Variants in PCDHGA5 observed in about 807,000 individuals in gnomAD.
PCDHGA5 encodes the protein protocadherin gamma subfamily A, 5, also known as protocadherin gamma-A5.
In PCDHGA5, 36 loss-of-function variants were observed where a neutral mutation model predicts 56.7. The observed-to-expected ratio is 0.64, with a 90% CI of 0.49 to 0.84. PCDHGA5 has a LOEUF of 0.84. PCDHGA5 is among the 40% of genes least tolerant of loss of function. The pLI, the probability that PCDHGA5 is intolerant of heterozygous loss-of-function variation, is 0.00. For missense variants in PCDHGA5, 1,305 were observed against 1,201.5 expected, an observed-to-expected ratio of 1.09 and a Z score of -1.27; for synonymous variants, 563 against 520.2, an observed-to-expected ratio of 1.08 and a Z score of -1.12.
intron 1 of PCDHGA5, chr5:141,402,915 CAG>C: frequency 6.4e-7 from 1 of 1,564,688 alleles, no homozygotes; most frequent in Non-Finnish European, 8.7e-7. Flanking sequence ...GCAGCGCGCA[CAG>C]AGATCCTTTT....
Position 141,431,451 on chromosome 5 carries a change from T to C in PCDHGA5, c.2422-63356T>C. On this transcript the variant is annotated intron_variant, in intron 1 of 3. Transcript: ENST00000518069. The surrounding 1 kb of genome is among the most constrained non-coding windows in gnomAD (Gnocchi z 4.8). ...ACAGGCACCGCGCGCATCCGCGTGA[T>C]GGTTCTGGATGCGAACGACAACGCA... The C allele has an allele frequency of 6.2e-7, 1 of 1,613,762 alleles. No individual in the cohort carries two copies. Among genetic ancestry groups the C allele is most frequent in the African/African-American group, 1.3e-5 (1 of 75,072 alleles).
chr5:141,374,735 G>A (rs760557076), intron 1 of PCDHGA5: 1 of 1,610,874 alleles, frequency 6.2e-7, no homozygotes. Flanking sequence ...CATGGATGGC[G>A]GCGACCCTGT....
chr5:141,393,642 G>C, intron 1 of PCDHGA5: 1 of 1,613,940 alleles, frequency 6.2e-7, no homozygotes, highest in Non-Finnish European at 8.5e-7. Context: ...CAACGGAAAA[G>C]TGGCATACAA....
intron 1 of PCDHGA5, chr5:141,419,739 G>T: frequency 6.2e-7 from 1 of 1,613,770 alleles, no homozygotes; most frequent in South Asian, 1.1e-5. Context: ...GGCGAGGTGC[G>T]CATGGTGCGT....
At position 141,394,267 on chromosome 5, in the gene PCDHGA5, C is replaced by T. The variant is rs563732311; in HGVS notation, c.2421+27516C>T. 1.2e-5 allele frequency: 19 copies of T among 1,613,926 alleles called. No individual in the cohort carries two copies. In the South Asian group the frequency reaches 2.0e-4, roughly 17 times the overall value. On this transcript the variant is annotated intron_variant, in intron 1 of 3. Transcript: ENST00000518069. The stretch of plus-strand genomic sequence containing the variant: ...CACGACCCCGACAGCCAGGAGAATG[C>T]CCAGGTCACTTACTCTGTGACCGAG...
chr5:141,371,009 G>A, intron 1 of PCDHGA5: 1 of 1,614,004 alleles, frequency 6.2e-7, no homozygotes, highest in East Asian at 2.2e-5. Context: ...GGGAAGAGCA[G>A]CCACATCACC....
At chr5:141,502,140 G>A (rs534984161) in intron 2 of PCDHGA5, among the ~76,000 whole-genome samples, 1 of 152,268 alleles carries the variant, frequency 6.6e-6, no homozygotes, top group South Asian at 2.1e-4. Context: ...CAGTCGGGCC[G>A]GAAGTAAGGA....
intron 1 of PCDHGA5, chr5:141,427,043 G>A: frequency 2.2e-6 from 1 of 457,348 alleles, no homozygotes; most frequent in Non-Finnish European, 4.4e-6. Context: ...GAGAGAATGT[G>A]CCCCCAGGCA....
intron 1 of PCDHGA5, among the ~76,000 whole-genome samples, chr5:141,483,689 G>A (rs1234666254): frequency 6.6e-6 from 1 of 152,022 alleles, no homozygotes; most frequent in Non-Finnish European, 1.5e-5. Flanking sequence ...CAGAAAGCCA[G>A]ATTCCTCTTT....
intron 1 of PCDHGA5, among the ~76,000 whole-genome samples, chr5:141,402,587 T>C (rs2094282900): frequency 1.3e-5 from 2 of 152,228 alleles, no homozygotes; most frequent in Non-Finnish European, 2.9e-5. Flanking sequence ...ATCTAAAAAA[T>C]AGATTGCTTT....
At chr5:141,506,444 CAAA>C (rs1219684339) in intron 3 of PCDHGA5, among the ~76,000 whole-genome samples, 12 of 95,004 alleles carry the variant, frequency 1.3e-4, no homozygotes, top group Admixed American at 3.3e-4. Context: ...CGCTCTGTCT[CAAA>C]AAAAAAAAAA....
At chr5:141,387,323 G>T (rs2090908841) in intron 1 of PCDHGA5, among the ~76,000 whole-genome samples, 1 of 152,154 alleles carries the variant, frequency 6.6e-6, no homozygotes, top group South Asian at 2.1e-4. Context: ...AGTAAGTATG[G>T]AAAATTACTG....
At chr5:141,501,305 A>G (rs2099807563) in intron 2 of PCDHGA5, among the ~76,000 whole-genome samples, 1 of 151,322 alleles carries the variant, frequency 6.6e-6, no homozygotes, top group African/African-American at 2.4e-5. Flanking sequence ...ACACACACAC[A>G]CACACACACA....
chr5:141,365,618 C>T lies in PCDHGA5; in HGVS notation c.1288C>T (p.Pro430Ser). Residue 430 changes from proline (P) to serine (S), a missense_variant, in exon 1 of 4, where the codon CCG becomes TCG. Coordinates refer to ENST00000518069, the MANE Select transcript of PCDHGA5 (RefSeq NM_018918.3). ...ITLTVMDHGTPPLSTESHIPL... is the reference protein window; with the variant it reads ...ITLTVMDHGTSPLSTESHIPL... ...TTTAACCGTCATGGACCATGGAACC[C>T]CGCCCCTCTCTACAGAAAGCCACAT... 6.2e-7 allele frequency: 1 copy of T among 1,613,564 alleles called. No homozygotes were observed. Among genetic ancestry groups the T allele is most frequent in the Non-Finnish European group, 8.5e-7 (1 of 1,179,876 alleles).
At chr5:141,412,282 C>A (rs1017660848) in intron 1 of PCDHGA5, 1 of 152,186 alleles carries the variant, frequency 6.6e-6, no homozygotes, top group African/African-American at 2.4e-5. Flanking sequence ...ACTTCAAATT[C>A]TACGTATTTC....
In PCDHGA5 at chr5:141,487,522, T is replaced by C. The variant is rs764726787; in HGVS notation, c.2422-7285T>C. 2 of 1,614,166 alleles carry C rather than the reference T, an allele frequency of 1.2e-6. No individual in the cohort carries two copies. The highest frequency in any genetic ancestry group is 1.7e-6 in the Non-Finnish European group (2 of 1,180,022). ...TGGCTTCTGCACCCACTCGGAGTGATAGCTTCATGATGGTGAAGTCACCCA... is the reference window on the plus strand; with the variant it reads ...TGGCTTCTGCACCCACTCGGAGTGACAGCTTCATGATGGTGAAGTCACCCA... On this transcript the variant is annotated intron_variant, in intron 1 of 3. Coordinates refer to ENST00000518069, the MANE Select transcript of PCDHGA5 (RefSeq NM_018918.3). This position sits in a 1 kb window ranked among gnomAD's most constrained non-coding sequence, Gnocchi z 5.0.
chr5:141,402,903 A>C, intron 1 of PCDHGA5: 1 of 1,525,170 alleles, frequency 6.6e-7, no homozygotes, highest in East Asian at 2.3e-5. Context: ...GAACCTGATG[A>C]AGCAGCGCGC....
intron 1 of PCDHGA5, among the ~76,000 whole-genome samples, chr5:141,407,776 A>G (rs1248399145): frequency 2.0e-5 from 3 of 152,234 alleles, no homozygotes; most frequent in Non-Finnish European, 4.4e-5. Context: ...TGTGCATAAT[A>G]GATTTATTTA....
chr5:141,413,137 T>C, intron 1 of PCDHGA5: 1 of 1,550,612 alleles, frequency 6.4e-7, no homozygotes, highest in Non-Finnish European at 8.7e-7. Flanking sequence ...ACACAACGTG[T>C]CCAGTGAGGA....
Sources: allele counts gnomAD v4.1 joint callset (sites outside exome capture counted in the v4.1 genomes callset), GRCh38; gene constraint gnomAD v4.1.1; non-coding constraint Gnocchi (gnomAD v3.1); transcripts MANE v1.5; gene names NCBI Gene and HGNC (gene_info 2026-07-23, HGNC 2026-07-21).